FECH: variants seen among roughly 807,000 people sequenced by gnomAD.
FECH encodes the protein ferrochelatase.
A neutral mutation model predicts 56.9 loss-of-function variants in FECH; 40 were observed. That is an observed-to-expected ratio of 0.70 (90% CI 0.55 to 0.92). FECH has a LOEUF of 0.92. Ranked by LOEUF, FECH falls within the 40% of genes least tolerant of loss-of-function variation. The pLI, the probability that FECH is intolerant of heterozygous loss-of-function variation, is 0.00. For missense variants in FECH, 431 were observed against 529.1 expected (o/e 0.81, Z 1.82); for synonymous variants, 175 against 198.6 (o/e 0.88, Z 1.00).
At chr18:57,567,534 A>G (rs955247420) in intron 4 of FECH, among the ~76,000 whole-genome samples, 1 of 152,252 alleles carries the variant, frequency 6.6e-6, no homozygotes, top group African/African-American at 2.4e-5. Flanking sequence ...ATAGGATTAC[A>G]CATAACTTAC....
rs759141297 is a variant in FECH at position 57,554,968 on chromosome 18, A to C, written c.805-16T>G. Reference sequence around the variant, plus strand: ...TGTTGACCACCTGCAGCAGAGACACAATGGGTGTTCAGCCATTAACACTGG... The same window carrying C: ...TGTTGACCACCTGCAGCAGAGACACCATGGGTGTTCAGCCATTAACACTGG... On this transcript the variant is annotated splice_polypyrimidine_tract_variant and intron_variant, in intron 7 of 10. Coordinates refer to ENST00000262093, the MANE Select transcript of FECH (RefSeq NM_000140.5). 6.2e-7 allele frequency: 1 copy of C among 1,604,318 alleles called. No individual in the cohort carries two copies. The highest frequency in any genetic ancestry group is 2.2e-5 in the East Asian group (1 of 44,802).
At chr18:57,552,386 A>G (rs1377474915) in intron 9 of FECH, among the ~76,000 whole-genome samples, 1 of 150,614 alleles carries the variant, frequency 6.6e-6, no homozygotes, top group Non-Finnish European at 1.5e-5. Flanking sequence ...TTTTTTATTT[A>G]TTTTATTTTA....
In FECH at chr18:57,550,752, C is replaced by T; in HGVS notation, c.1232G>A (p.Cys411Tyr). Reference sequence around the variant, plus strand: ...GGTGAAGAAGGATTTAGTCTCCCTGCAGACAGGATTGACACAGAGCGGACA... The same window carrying T: ...GGTGAAGAAGGATTTAGTCTCCCTGTAGACAGGATTGACACAGAGCGGACA... ...LSCPLCVNPV[C>Y]RETKSFFTSQ... is the part of the protein sequence containing the mutation. The change falls in exon 11 of 11, where the codon TGC becomes TAC. Residue 411 changes from cysteine (C) to tyrosine (Y), a missense_variant. Physicochemically the swap from Cys to Tyr is radical, Grantham distance 194. Coordinates refer to ENST00000262093, the MANE Select transcript of FECH (RefSeq NM_000140.5). 1 of 1,614,160 alleles carries T rather than the reference C, an allele frequency of 6.2e-7. No individual in the cohort carries two copies. Among genetic ancestry groups the T allele is most frequent in the South Asian group, 1.1e-5 (1 of 91,088 alleles).
chr18:57,571,120 C>T (rs1183207482), intron 4 of FECH, among the ~76,000 whole-genome samples: 1 of 152,224 alleles, frequency 6.6e-6, no homozygotes. Context: ...GCCTTATACT[C>T]TAGCAATTTA....
Position 57,554,577 on chromosome 18 carries a change from A to G in FECH, c.913-153T>C, listed in dbSNP as rs117858636. Among the ~76,000 whole-genome samples the G allele has an allele frequency of 1.5e-3, 228 of 152,302 alleles. 2 individuals are homozygous for G. Among genetic ancestry groups the G allele is most frequent in the Non-Finnish European group, 2.5e-3 (172 of 68,028 alleles). ...TGGATTTTGATATTTTCACATGGAA[A>G]CTTGAATCCTAGAAGTTGCCTCAAT... On this transcript the variant is annotated intron_variant, in intron 8 of 10. Coordinates refer to ENST00000262093, the MANE Select transcript of FECH (RefSeq NM_000140.5).
Position 57,573,369 on chromosome 18 carries a change from T to C in FECH, c.195-4A>G, listed in dbSNP as rs753116040. On this transcript the variant is annotated splice_region_variant and splice_polypyrimidine_tract_variant and intron_variant, in intron 2 of 10. Coordinates refer to ENST00000262093, the MANE Select transcript of FECH (RefSeq NM_000140.5). ...TAATATTCCAGTTTTCGGCTTCCTA[T>C]ATAAAATAAAATACAACGGTTGATT... is the stretch of plus-strand genomic sequence containing the variant. 3.4e-5 allele frequency: 55 copies of C among 1,613,990 alleles called. No individual in the cohort carries two copies. Among genetic ancestry groups the C allele is most frequent in the African/African-American group, 6.7e-5 (5 of 74,942 alleles).
intron 9 of FECH, 110 bp downstream of exon 9, chr18:57,554,150 T>C: frequency 6.7e-6 from 8 of 1,200,308 alleles, no homozygotes; most frequent in Non-Finnish European, 9.9e-6. Context: ...ACACCGTACA[T>C]GCAAACAAAT....
In FECH at chr18:57,585,012, T is replaced by TA. The variant is rs570632985; in HGVS notation, c.67+1541dup. Among the ~76,000 whole-genome samples, 823 of 150,086 alleles carry TA rather than the reference T, an allele frequency of 5.5e-3. 7 individuals carry two copies. The highest frequency in any genetic ancestry group is 0.019 in the African/African-American group (754 of 40,624). ...AGCGACAGAGCAACACTCCATCTCT[T>TA]AAAAAAACAAAAGAAACAAAACGTT... On this transcript the variant is annotated intron_variant, in intron 1 of 10. Transcript: ENST00000262093.
At position 57,554,369 on chromosome 18, in the gene FECH, C is replaced by T; in HGVS notation, c.968G>A (p.Cys323Tyr). ...GAGGATATTCTTCCTCCCCCTCTCACAAAGCCCTTTGATAGATTCGTCTGT... is the reference window on the plus strand; with the variant it reads ...GAGGATATTCTTCCTCCCCCTCTCATAAAGCCCTTTGATAGATTCGTCTGT... ...PQTDESIKGLCERGRKNILLV... is the reference protein window; with the variant it reads ...PQTDESIKGLYERGRKNILLV... The change falls in exon 9 of 11, where the codon TGT (cysteine) becomes TAT (tyrosine). Residue 323 changes from cysteine to tyrosine, a missense_variant. Cys to Tyr is a radical substitution (Grantham distance 194). Coordinates refer to ENST00000262093, the MANE Select transcript of FECH (RefSeq NM_000140.5). The T allele has an allele frequency of 6.2e-7, 1 of 1,614,224 alleles. No homozygotes were observed. Among genetic ancestry groups the T allele is most frequent in the South Asian group, 1.1e-5 (1 of 91,090 alleles).
intron 4 of FECH, among the ~76,000 whole-genome samples, chr18:57,569,110 T>G (rs533952): frequency 0.75 from 114,704 of 152,200 alleles, 43,943 homozygotes; most frequent in African/African-American, 0.88. Context: ...TTCATGAGCA[T>G]CCCTTACTTA....
chr18:57,569,522 G>A (rs1199968390), intron 4 of FECH, among the ~76,000 whole-genome samples: 1 of 152,224 alleles, frequency 6.6e-6, no homozygotes, highest in East Asian at 1.9e-4. Context: ...GATCAGAAGG[G>A]AAGAGGAATG....
At position 57,554,298 on chromosome 18, in the gene FECH, C is replaced by T; in HGVS notation, c.1039G>A (p.Glu347Lys). The T allele has an allele frequency of 6.2e-7, 1 of 1,614,256 alleles. No homozygotes were observed. Among genetic ancestry groups the T allele is most frequent in the Non-Finnish European group, 8.5e-7 (1 of 1,180,036 alleles). ...FTSDHIETLY[E>K]LDIEYSQVLA... is the part of the protein sequence containing the mutation. ...ACTTGAGAGTACTCGATGTCCAGCTCATACAGCGTTTCAATATGGTCACTG... is the reference window on the plus strand; with the variant it reads ...ACTTGAGAGTACTCGATGTCCAGCTTATACAGCGTTTCAATATGGTCACTG... The change falls in exon 9 of 11, where the codon GAG (glutamate) becomes AAG (lysine). Residue 347 changes from glutamate (E) to lysine (K), a missense_variant. By Grantham distance (56) the Glu-to-Lys change is moderately conservative. Transcript: ENST00000262093.
chr18:57,571,822 T>C (rs1440614027), intron 3 of FECH, among the ~76,000 whole-genome samples: 2 of 152,220 alleles, frequency 1.3e-5, no homozygotes, highest in Non-Finnish European at 2.9e-5. Flanking sequence ...CAGAGAAACC[T>C]GGATGTGCGC....
chr18:57,563,112 A>G lies in FECH; in HGVS notation c.599-132T>C, dbSNP rs2122285726. On this transcript the variant is annotated intron_variant, in intron 5 of 10. Coordinates refer to ENST00000262093, the MANE Select transcript of FECH (RefSeq NM_000140.5). ...TTACTGAATCAGTCTAATTACAATC[A>G]TTTCAATACTCTAAAATGCATATAG... is the stretch of plus-strand genomic sequence containing the variant. The G allele has an allele frequency of 4.1e-6, 3 of 727,482 alleles. No homozygotes were observed. The South Asian group carries it at 4.5e-5, about 11-fold the overall frequency. The allele number at this position is 727,482 out of a possible 1,614,324, so 45.1% of individuals were successfully genotyped here. A position where few individuals can be genotyped will look rare whatever the true frequency, so the allele number is the denominator to read the frequency against.
chr18:57,579,313 G>C (rs8093842), intron 2 of FECH, among the ~76,000 whole-genome samples: 1 of 143,768 alleles, frequency 7.0e-6, no homozygotes, highest in Non-Finnish European at 1.5e-5. Flanking sequence ...GTGTGTGTGT[G>C]TATATATTCA....
In FECH at chr18:57,545,484, C is replaced by A. The variant is rs1242376067; in HGVS notation, c.*5228G>T. On this transcript the variant is annotated 3_prime_UTR_variant, in exon 11 of 11. Transcript: ENST00000262093. ...ACATCAAAAGCAAAAGCATTTCTTT[C>A]TCTCACGGGACCCCAGAATAGGAGG... is the stretch of plus-strand genomic sequence containing the variant. Among the ~76,000 whole-genome samples, 1 of 152,178 alleles carries A rather than the reference C, an allele frequency of 6.6e-6. No homozygotes were observed. Among genetic ancestry groups the A allele is most frequent in the Non-Finnish European group, 1.5e-5 (1 of 68,032 alleles).
At chr18:57,577,671 A>G (rs1356710353) in intron 2 of FECH, among the ~76,000 whole-genome samples, 1 of 152,230 alleles carries the variant, frequency 6.6e-6, no homozygotes, top group African/African-American at 2.4e-5. Flanking sequence ...TTATGATGAT[A>G]AAGTAAATAA....
At chr18:57,580,326 C>T (rs1432279011) in intron 1 of FECH, 127 bp from the exon 2 acceptor site, 10 of 1,281,978 alleles carry the variant, frequency 7.8e-6, no homozygotes, top group Non-Finnish European at 9.8e-6. Flanking sequence ...ATTTTCCTAG[C>T]ATTTCTCTGC....
chr18:57,547,145 C>T lies in FECH; in HGVS notation c.*3567G>A, dbSNP rs556538397. Among the ~76,000 whole-genome samples, 382 of 152,134 alleles carry T rather than the reference C, an allele frequency of 2.5e-3. 2 individuals carry two copies. Among genetic ancestry groups the T allele is most frequent in the African/African-American group, 8.7e-3 (363 of 41,512 alleles). On this transcript the variant is annotated 3_prime_UTR_variant, in exon 11 of 11. Coordinates refer to ENST00000262093, the MANE Select transcript of FECH (RefSeq NM_000140.5). ...AGTCACTAACTTGCTTTTAATGTTA[C>T]AGGCTCACAGGCAGAAGGGACTTGC... is the stretch of plus-strand genomic sequence containing the variant.
Sources: gnomAD v4.1 joint callset for allele counts (sites outside exome capture counted in the v4.1 genomes callset) on GRCh38, gnomAD v4.1.1 for gene constraint, MANE v1.5 for transcripts, NCBI Gene and HGNC (gene_info 2026-07-23, HGNC 2026-07-21) for gene names.